Variants in PIK3C2G observed in about 807,000 individuals in gnomAD.
The protein encoded by PIK3C2G is phosphatidylinositol 3-kinase C2 domain-containing subunit gamma.
Under a neutral mutation model 181.1 loss-of-function variants are expected in PIK3C2G, and 168 were observed. The ratio of observed to expected loss-of-function variants is 0.93; its 90% CI spans 0.82 to 1.05. PIK3C2G has a LOEUF of 1.05. PIK3C2G is among the 50% of genes least tolerant of loss of function. The pLI, the probability that PIK3C2G is intolerant of heterozygous loss-of-function variation, is 0.00. For synonymous variants in PIK3C2G, 573 were observed against 592.2 expected, an observed-to-expected ratio of 0.97 and a Z score of 0.47; for missense variants, 1,869 against 1,732.8, an observed-to-expected ratio of 1.08 and a Z score of -1.40.
chr12:18,611,715 G>C (rs1202478346), intron 31 of PIK3C2G, among the ~76,000 whole-genome samples: 1 of 151,988 alleles, frequency 6.6e-6, no homozygotes, highest in Non-Finnish European at 1.5e-5. Context: ...TAAAAACCTA[G>C]AGTCATTTTG....
chr12:18,462,893 G>C (rs1430598884), intron 18 of PIK3C2G, among the ~76,000 whole-genome samples: 2 of 151,840 alleles, frequency 1.3e-5, no homozygotes, highest in Non-Finnish European at 2.9e-5. Flanking sequence ...ACATTATCCA[G>C]CATTGCATTC....
the PIK3C2G span, chr12:18,714,602 T>G: frequency 6.6e-5 from 10 of 152,286 alleles, no homozygotes; most frequent in East Asian, 1.9e-3. Flanking sequence ...AAAAGCTCCC[T>G]TGTCATACAT....
intron 1 of PIK3C2G, among the ~76,000 whole-genome samples, chr12:18,265,110 C>T (rs1411824337): frequency 6.6e-6 from 1 of 152,090 alleles, no homozygotes; most frequent in African/African-American, 2.4e-5. Context: ...ATGTGCGTGG[C>T]TATTTATTCA....
chr12:18,593,587 A>T (rs1386482482), intron 29 of PIK3C2G, among the ~76,000 whole-genome samples: 3 of 151,916 alleles, frequency 2.0e-5, no homozygotes, highest in Admixed American at 6.6e-5. Context: ...ATAATCAATT[A>T]TTCTTTGGTG....
intron 29 of PIK3C2G, among the ~76,000 whole-genome samples, chr12:18,587,290 T>C (rs1404576650): frequency 6.6e-6 from 1 of 152,156 alleles, no homozygotes; most frequent in Non-Finnish European, 1.5e-5. Context: ...AATGGCATGA[T>C]ACTATATCTC....
intron 30 of PIK3C2G, among the ~76,000 whole-genome samples, chr12:18,596,858 A>G (rs1294347401): frequency 6.6e-6 from 1 of 152,094 alleles, no homozygotes; most frequent in Non-Finnish European, 1.5e-5. Context: ...CAGGTTTTCA[A>G]TTAAAATGTT....
intron 31 of PIK3C2G, among the ~76,000 whole-genome samples, chr12:18,611,275 A>C (rs187656879): frequency 3.8e-4 from 58 of 152,216 alleles, no homozygotes; most frequent in Admixed American, 3.3e-3. Flanking sequence ...GTGAAAAAAC[A>C]CTTAGGGCCA....
At chr12:18,530,596 T>C (rs115199812) in intron 24 of PIK3C2G, among the ~76,000 whole-genome samples, 2,896 of 152,268 alleles carry the variant, frequency 0.019, 108 homozygotes, top group African/African-American at 0.066. Context: ...TGACCTGATA[T>C]GGCTTGGCTC....
chr12:18,626,301 C>G (rs968284872), intron 31 of PIK3C2G, among the ~76,000 whole-genome samples: 7 of 151,976 alleles, frequency 4.6e-5, no homozygotes, highest in African/African-American at 1.7e-4. Context: ...TACAACAACT[C>G]TATACTTTTC....
intron 26 of PIK3C2G, among the ~76,000 whole-genome samples, chr12:18,552,039 T>C (rs192984077): frequency 6.6e-6 from 1 of 152,230 alleles, no homozygotes; most frequent in East Asian, 1.9e-4. Flanking sequence ...CTGTGAACTT[T>C]GAGCTGTGAG....
At chr12:18,544,499 G>A (rs1384355112) in intron 25 of PIK3C2G, among the ~76,000 whole-genome samples, 8 of 151,782 alleles carry the variant, frequency 5.3e-5, no homozygotes, top group African/African-American at 1.9e-4. Flanking sequence ...GCTGAATTAG[G>A]ACAATGATAA....
intron 18 of PIK3C2G, among the ~76,000 whole-genome samples, chr12:18,428,871 A>T (rs979014551): frequency 6.6e-6 from 1 of 152,168 alleles, no homozygotes; most frequent in African/African-American, 2.4e-5. Flanking sequence ...TATGCCCAGG[A>T]GGCCCCTCCC....
chr12:18,650,836 T>C (rs569959312), downstream of PIK3C2G, among the ~76,000 whole-genome samples: 2 of 149,430 alleles, frequency 1.3e-5, no homozygotes, highest in South Asian at 4.3e-4. Flanking sequence ...CAACCACTTA[T>C]CACTCTCCAC....
intron 15 of PIK3C2G, among the ~76,000 whole-genome samples, chr12:18,394,677 C>T (rs1458159675): frequency 6.6e-6 from 1 of 151,634 alleles, no homozygotes; most frequent in Non-Finnish European, 1.5e-5. Flanking sequence ...AGCAAATGGG[C>T]TTAATAGATT....
the PIK3C2G span, among the ~76,000 whole-genome samples, chr12:18,695,739 G>C: frequency 6.6e-6 from 1 of 151,848 alleles, no homozygotes; most frequent in Non-Finnish European, 1.5e-5. Flanking sequence ...AACCAAGTTA[G>C]GCAATCTTAT....
the PIK3C2G span, among the ~76,000 whole-genome samples, chr12:18,654,064 A>C: frequency 6.6e-6 from 1 of 152,094 alleles, no homozygotes; most frequent in Non-Finnish European, 1.5e-5. Context: ...AAAATAAAAT[A>C]GAATGTGTCA....
At chr12:18,678,596 C>T in the PIK3C2G span, among the ~76,000 whole-genome samples, 824 of 152,124 alleles carry the variant, frequency 5.4e-3, 13 homozygotes, top group African/African-American at 0.019. Flanking sequence ...ATAAATGGAA[C>T]CACACAGTAC....
the PIK3C2G span, among the ~76,000 whole-genome samples, chr12:18,674,516 C>T: frequency 1.3e-5 from 2 of 152,226 alleles, no homozygotes; most frequent in African/African-American, 2.4e-5. Context: ...CATGAATGTC[C>T]TCCTAAACTC....
chr12:18,726,252 C>A, the PIK3C2G span, among the ~76,000 whole-genome samples: 2 of 152,130 alleles, frequency 1.3e-5, no homozygotes, highest in Non-Finnish European at 2.9e-5. Flanking sequence ...GGGTTCACTA[C>A]CACCTTTAAA....
Sources: gnomAD v4.1 joint callset for allele counts (sites outside exome capture counted in the v4.1 genomes callset) on GRCh38, gnomAD v4.1.1 for gene constraint, MANE v1.5 for transcripts, NCBI Gene and HGNC (gene_info 2026-07-23, HGNC 2026-07-21) for gene names.